SEPTIN11: variants seen among roughly 807,000 people sequenced by gnomAD.
SEPTIN11 encodes the protein septin 11, also known as septin-11.
In SEPTIN11, 25 loss-of-function variants were observed where a neutral mutation model predicts 51.4. The ratio of observed to expected loss-of-function variants is 0.49; its 90% CI spans 0.35 to 0.68. The LOEUF (loss-of-function observed/expected upper bound fraction) is 0.68, where lower values mean the gene tolerates loss of function less well. Among genes scored for constraint, SEPTIN11 ranks in the 30% least tolerant of loss-of-function variants. The pLI, the probability that SEPTIN11 is intolerant of heterozygous loss-of-function variation, is 0.00. For synonymous variants in SEPTIN11, 174 were observed against 184.1 expected (o/e 0.95, Z 0.44); for missense variants, 381 against 520.8 (o/e 0.73, Z 2.61).
In SEPTIN11 at chr4:77,024,182, C is replaced by A. The variant is rs1356855645; in HGVS notation, c.953+3512C>A. 2.0e-5 allele frequency among the ~76,000 whole-genome samples: 3 copies of A among 152,198 alleles called. No homozygotes were observed. Among genetic ancestry groups the A allele is most frequent in the Admixed American group, 1.3e-4 (2 of 15,284 alleles). On this transcript the variant is annotated intron_variant, in intron 7 of 9. Transcript: ENST00000264893. This position sits in a 1 kb window ranked among gnomAD's most constrained non-coding sequence, Gnocchi z 4.2. ...CGCGCACAGAAACGCCGTATTCAAG[C>A]CTTGGCAGCACACCACGGCAGTAAA...
intron 1 of SEPTIN11, among the ~76,000 whole-genome samples, chr4:76,989,709 C>T (rs1324053228): frequency 6.6e-6 from 1 of 152,212 alleles, no homozygotes; most frequent in Non-Finnish European, 1.5e-5. Flanking sequence ...TGCACTTTTA[C>T]TGTACCATTT....
At position 76,955,462 on chromosome 4, in the gene SEPTIN11, G is replaced by T. The variant is rs545015012; in HGVS notation, c.27+5532G>T. On this transcript the variant is annotated intron_variant, in intron 1 of 9. Transcript: ENST00000264893. Reference sequence around the variant, plus strand: ...AATGTAGCAGGAACGTCAGCCTTAGGGTTGGGTAGGGAGAGTGGACAGACA... The same window carrying T: ...AATGTAGCAGGAACGTCAGCCTTAGTGTTGGGTAGGGAGAGTGGACAGACA... Among the ~76,000 whole-genome samples, 3 of 152,328 alleles carry T rather than the reference G, an allele frequency of 2.0e-5. No homozygotes were observed. In the South Asian group the frequency reaches 6.2e-4, roughly 32 times the overall value.
chr4:76,966,125 G>C (rs1254764868), intron 1 of SEPTIN11, among the ~76,000 whole-genome samples: 2 of 152,194 alleles, frequency 1.3e-5, no homozygotes, highest in African/African-American at 2.4e-5. Flanking sequence ...CTCATCATCT[G>C]TGTTGCAGTT....
chr4:76,974,484 A>C, intron 1 of SEPTIN11: 1 of 203,620 alleles, frequency 4.9e-6, no homozygotes, highest in Non-Finnish European at 1.0e-5. Flanking sequence ...ACAGAGAAAG[A>C]AGCCAAGACC....
chr4:76,993,736 T>C (rs1723505859), intron 1 of SEPTIN11, among the ~76,000 whole-genome samples: 1 of 152,224 alleles, frequency 6.6e-6, no homozygotes, highest in Admixed American at 6.5e-5. Context: ...ATGTAAAAAC[T>C]GTATTATAAA....
At chr4:76,967,261 T>A (rs1722071992) in intron 1 of SEPTIN11, among the ~76,000 whole-genome samples, 1 of 152,204 alleles carries the variant, frequency 6.6e-6, no homozygotes, top group Non-Finnish European at 1.5e-5. Context: ...TAGAAATTTA[T>A]CTAACTTTCT....
At chr4:76,981,477 A>T (rs942102617) in intron 1 of SEPTIN11, among the ~76,000 whole-genome samples, 7 of 152,230 alleles carry the variant, frequency 4.6e-5, no homozygotes, top group African/African-American at 1.7e-4. Flanking sequence ...TTTCCTAAGC[A>T]CAACAGTATG....
chr4:77,001,218 T>C (rs1206153900), intron 2 of SEPTIN11, among the ~76,000 whole-genome samples: 2 of 152,202 alleles, frequency 1.3e-5, no homozygotes, highest in Non-Finnish European at 2.9e-5. Flanking sequence ...ATAAGGTCTC[T>C]AATTACTGTA....
intron 3 of SEPTIN11, among the ~76,000 whole-genome samples, chr4:77,011,030 G>A (rs978381786): frequency 2.6e-5 from 4 of 152,140 alleles, no homozygotes; most frequent in Non-Finnish European, 4.4e-5. Flanking sequence ...AGAGGGTTAC[G>A]ACATTTACCT....
At chr4:76,951,899 A>T (rs1476058924) in intron 1 of SEPTIN11, among the ~76,000 whole-genome samples, 1 of 152,022 alleles carries the variant, frequency 6.6e-6, no homozygotes, top group Non-Finnish European at 1.5e-5. Context: ...AATAGAGGAG[A>T]TTTTTTTTAA....
intron 3 of SEPTIN11, among the ~76,000 whole-genome samples, chr4:77,007,240 A>T (rs542646015): frequency 6.6e-6 from 1 of 152,312 alleles, no homozygotes; most frequent in African/African-American, 2.4e-5. Context: ...GGGGGTTTCA[A>T]TCATTGCATA....
At chr4:76,991,087 G>A (rs774582737) in intron 1 of SEPTIN11, among the ~76,000 whole-genome samples, 1 of 152,156 alleles carries the variant, frequency 6.6e-6, no homozygotes, top group South Asian at 2.1e-4. Flanking sequence ...AGCTTCTCCT[G>A]GAATGCCTAG....
At chr4:76,997,366 T>G (rs897080326) in intron 2 of SEPTIN11, among the ~76,000 whole-genome samples, 1 of 152,212 alleles carries the variant, frequency 6.6e-6, no homozygotes, top group Non-Finnish European at 1.5e-5. Flanking sequence ...CTTACTTTTC[T>G]TGTCCAAGTA....
chr4:77,018,245 T>TC (rs1309490135), intron 5 of SEPTIN11, among the ~76,000 whole-genome samples: 1 of 152,048 alleles, frequency 6.6e-6, no homozygotes, highest in Non-Finnish European at 1.5e-5. Context: ...GGTCAGGAGA[T>TC]CGAGACCATC....
At chr4:76,973,329 A>G (rs138936120) in intron 1 of SEPTIN11, among the ~76,000 whole-genome samples, 13 of 152,298 alleles carry the variant, frequency 8.5e-5, no homozygotes, top group South Asian at 4.1e-4. Context: ...GCATCCCTTC[A>G]GTCAGTCAGG....
At chr4:77,039,836 C>G (rs1030145515), downstream of SEPTIN11, 3 of 677,334 alleles carry the variant, frequency 4.4e-6, no homozygotes, top group African/African-American at 5.9e-5. Context: ...CTGTTACTTG[C>G]ATCCCTTATA....
intron 5 of SEPTIN11, among the ~76,000 whole-genome samples, chr4:77,015,638 G>A (rs987628912): frequency 6.6e-6 from 1 of 152,210 alleles, no homozygotes; most frequent in Non-Finnish European, 1.5e-5. Flanking sequence ...TCAGCTGTGA[G>A]CTGCAATGAC....
chr4:76,993,776 A>ATTCT (rs1321951628), intron 1 of SEPTIN11, among the ~76,000 whole-genome samples: 1 of 152,232 alleles, frequency 6.6e-6, no homozygotes, highest in Non-Finnish European at 1.5e-5. Flanking sequence ...CAGTGTTAGA[A>ATTCT]GACAGACTCT....
intron 1 of SEPTIN11, among the ~76,000 whole-genome samples, chr4:76,974,174 A>G (rs1247935907): frequency 6.6e-6 from 1 of 152,132 alleles, no homozygotes; most frequent in African/African-American, 2.4e-5. Flanking sequence ...TGGTGTTCAT[A>G]AGTTCTACCC....
Sources: gnomAD v4.1 joint callset for allele counts (sites outside exome capture counted in the v4.1 genomes callset) on GRCh38, gnomAD v4.1.1 for gene constraint, Gnocchi (gnomAD v3.1) non-coding constraint, MANE v1.5 for transcripts, NCBI Gene and HGNC (gene_info 2026-07-23, HGNC 2026-07-21) for gene names.